ZNF527: variants seen among roughly 807,000 people sequenced by gnomAD.
ZNF527 encodes the protein zinc finger protein 527.
ZNF527 carries 5 observed loss-of-function variants against 13.5 expected under a neutral mutation model. That is an observed-to-expected ratio of 0.37 (90% CI 0.19 to 0.78). The LOEUF (loss-of-function observed/expected upper bound fraction) is 0.78, where lower values mean the gene tolerates loss of function less well. Among genes scored for constraint, ZNF527 ranks in the 30% least tolerant of loss-of-function variants. The probability of loss-of-function intolerance (pLI) is 0.48; values close to 1 mark genes in which losing one functional copy is unlikely to be tolerated. For synonymous variants in ZNF527, 209 were observed against 243.1 expected, an observed-to-expected ratio of 0.86 and a Z score of 1.30; for missense variants, 628 against 726.4, an observed-to-expected ratio of 0.86 and a Z score of 1.56.
intron 1 of ZNF527, among the ~76,000 whole-genome samples, chr19:37,372,470 T>TC (rs1555826570): frequency 7.7e-6 from 1 of 130,376 alleles, no homozygotes; most frequent in African/African-American, 3.0e-5. Context: ...TTCTTTTCTT[T>TC]TTTTTTTTTT....
Position 37,392,635 on chromosome 19 carries a change from C to G in ZNF527, c.*2756C>G, listed in dbSNP as rs1224206014. 1 of 152,146 alleles carries G rather than the reference C, an allele frequency of 6.6e-6. No homozygotes were observed. Among genetic ancestry groups the G allele is most frequent in the Non-Finnish European group, 1.5e-5 (1 of 68,046 alleles). The allele number at this position is 152,146 out of a possible 1,614,324, so 9.4% of individuals were successfully genotyped here. ...CAACTCTTGGCCTGAAGTGATTTGC[C>G]CATCTCGGCTTCCCAAAGTGCTGAG... On this transcript the variant is annotated 3_prime_UTR_variant, in exon 5 of 5. Transcript: ENST00000436120.
chr19:37,389,762 A>G lies in ZNF527; in HGVS notation c.1713A>G (p.Leu571=). ...TTCATCAGATCTTGTCCCTAAGACT[A>G]CACCAGAGAATTCACGCTGGAGAAA... is the stretch of plus-strand genomic sequence containing the variant. ...KAFHQILSLR[L]HQRIHAGEKP... The change falls in exon 5 of 5, where the codon CTA becomes CTG. Residue 571 remains leucine, a synonymous_variant. Coordinates refer to ENST00000436120, the MANE Select transcript of ZNF527 (RefSeq NM_032453.2). The G allele has an allele frequency of 1.2e-6, 2 of 1,613,864 alleles. No individual in the cohort carries two copies. The highest frequency in any genetic ancestry group is 1.7e-6 in the Non-Finnish European group (2 of 1,180,038).
rs754988884 is a variant in ZNF527 at position 37,379,258 on chromosome 19, T to TAAAA, written c.160+12_160+13insAAAA. 6.3e-7 allele frequency: 1 copy of TAAAA among 1,576,120 alleles called. No individual in the cohort carries two copies. Among genetic ancestry groups the TAAAA allele is most frequent in the Admixed American group, 2.0e-5 (1 of 50,650 alleles). ...CTTGGTATGGCTTGGTAAGGATGTT[T>TAAAA]CTCCCCCATAATTTAAAAATCTTCC... On this transcript the variant is annotated intron_variant, in intron 3 of 4. Transcript: ENST00000436120.
At chr19:37,375,303 T>C (rs1490778366) in intron 2 of ZNF527, among the ~76,000 whole-genome samples, 1 of 104,556 alleles carries the variant, frequency 9.6e-6, no homozygotes, top group Non-Finnish European at 1.8e-5. Context: ...TCTTTCTTTC[T>C]TTCTTTCTTT....
chr19:37,386,918 A>G (rs1241247061), intron 4 of ZNF527, among the ~76,000 whole-genome samples: 2 of 152,160 alleles, frequency 1.3e-5, no homozygotes, highest in African/African-American at 4.8e-5. Flanking sequence ...TTCTAGGGAA[A>G]GAATGAATGG....
Position 37,388,880 on chromosome 19 carries a change from T to G in ZNF527, c.831T>G (p.Asp277Glu). Reference protein sequence around the residue: ...THFGKLPHGYDECGDAFSCYS... With the variant: ...THFGKLPHGYEECGDAFSCYS... ...TTGGAAAATTACCCCATGGATACGA[T>G]GAATGTGGTGATGCCTTTAGCTGTT... is the stretch of plus-strand genomic sequence containing the variant. The change falls in exon 5 of 5, where the codon GAT becomes GAG. Residue 277 changes from aspartate (D) to glutamate (E), a missense_variant. Physicochemically the swap from Asp to Glu is conservative, Grantham distance 45. This residue lies in a region of ZNF527 where 592 missense variants were observed against 678.0 expected (regional missense o/e 0.87). Coordinates refer to ENST00000436120, the MANE Select transcript of ZNF527 (RefSeq NM_032453.2). The G allele has an allele frequency of 6.2e-7, 1 of 1,614,228 alleles. No homozygotes were observed. The highest frequency in any genetic ancestry group is 8.5e-7 in the Non-Finnish European group (1 of 1,180,052).
rs2040689598 is a variant in ZNF527, at chr19:37,385,359, G to A, written c.257-2947G>A. ...TGCTCCCCTTCACTGTGTTCTCTGT[G>A]TCTTGCAGGTTTTTAATGCTGTAAG... On this transcript the variant is annotated intron_variant, in intron 4 of 4. Coordinates refer to ENST00000436120, the MANE Select transcript of ZNF527 (RefSeq NM_032453.2). 1.0e-5 allele frequency: 4 copies of A among 399,408 alleles called. No individual in the cohort carries two copies. The East Asian group carries it at 1.4e-4, about 14-fold the overall frequency. 24.7% of individuals were successfully genotyped at this position (399,408 alleles called of 1,614,324 possible).
At position 37,388,480 on chromosome 19, in the gene ZNF527, A is replaced by G. The variant is rs759553510; in HGVS notation, c.431A>G (p.Glu144Gly). The G allele has an allele frequency of 5.0e-6, 8 of 1,614,166 alleles. No homozygotes were observed. Among genetic ancestry groups the G allele is most frequent in the Non-Finnish European group, 6.8e-6 (8 of 1,179,976 alleles). ...GEFELHQGNA[E>G]RHFMQVTAVK... ...TTTGAGCTACATCAGGGAAATGCGG[A>G]GAGGCATTTCATGCAAGTGACAGCT... Residue 144 changes from glutamate (E) to glycine (G), a missense_variant, in exon 5 of 5, where the codon GAG becomes GGG. By Grantham distance (98) the Glu-to-Gly change is moderately conservative. Coordinates refer to ENST00000436120, the MANE Select transcript of ZNF527 (RefSeq NM_032453.2).
At chr19:37,387,990 G>A (rs1203109533) in intron 4 of ZNF527, among the ~76,000 whole-genome samples, 2 of 152,168 alleles carry the variant, frequency 1.3e-5, no homozygotes, top group Non-Finnish European at 2.9e-5. Flanking sequence ...AACTGGCTGT[G>A]ATCTAATCAG....
chr19:37,373,518 C>A (rs2040575701), intron 1 of ZNF527, among the ~76,000 whole-genome samples: 1 of 152,084 alleles, frequency 6.6e-6, no homozygotes, highest in African/African-American at 2.4e-5. Flanking sequence ...CCAAACAAAA[C>A]CTAGTTCTCT....
chr19:37,377,794 G>A lies in ZNF527; in HGVS notation c.34-1326G>A, dbSNP rs1600264664. ...GACTCCCACCCAGGGAGGGAGCCAG[G>A]GGAATAAGTATTCTGCCTTACTTAC... is the stretch of plus-strand genomic sequence containing the variant. On this transcript the variant is annotated intron_variant, in intron 2 of 4. Transcript: ENST00000436120. Among the ~76,000 whole-genome samples, 3 of 151,972 alleles carry A rather than the reference G, an allele frequency of 2.0e-5. No individual in the cohort carries two copies. The South Asian group carries it at 6.2e-4, about 32-fold the overall frequency.
chr19:37,385,269 T>C, intron 4 of ZNF527: 1 of 440,172 alleles, frequency 2.3e-6, no homozygotes, highest in East Asian at 3.3e-5. Context: ...CACACAAGTT[T>C]TCAAGGTTAA....
chr19:37,383,134 C>G (rs1024425849), intron 4 of ZNF527, among the ~76,000 whole-genome samples: 4 of 152,202 alleles, frequency 2.6e-5, no homozygotes, highest in Non-Finnish European at 5.9e-5. Flanking sequence ...TATTGTAGCT[C>G]TGGAGGTCAG....
At chr19:37,373,027 A>G (rs916097739) in intron 1 of ZNF527, among the ~76,000 whole-genome samples, 5 of 152,174 alleles carry the variant, frequency 3.3e-5, no homozygotes, top group African/African-American at 1.2e-4. Flanking sequence ...ACTGGTTTTG[A>G]GGTCACATTT....
chr19:37,372,467 CT>C (rs1022024971), intron 1 of ZNF527, among the ~76,000 whole-genome samples: 255 of 65,634 alleles, frequency 3.9e-3, no homozygotes, highest in African/African-American at 0.011. Flanking sequence ...CTTTTCTTTT[CT>C]TTTTTTTTTT....
intron 2 of ZNF527, among the ~76,000 whole-genome samples, chr19:37,378,720 A>T (rs1460096619): frequency 6.6e-6 from 1 of 152,112 alleles, no homozygotes; most frequent in African/African-American, 2.4e-5. Flanking sequence ...ATAAAGTCTA[A>T]CTTTCAGGCC....
Position 37,389,509 on chromosome 19 carries a change from G to A in ZNF527, c.1460G>A (p.Arg487Gln), listed in dbSNP as rs552726462. ...TTTAGGACTGACTCACAACTTAATC[G>A]ACATCATAGAATTCACACTGGAGAG... ...KFFRTDSQLN[R>Q]HHRIHTGERP... The change falls in exon 5 of 5, where the codon CGA (arginine) becomes CAA (glutamine). Residue 487 changes from arginine (R) to glutamine (Q), a missense_variant. This residue lies in a region of ZNF527 where 592 missense variants were observed against 678.0 expected (regional missense o/e 0.87). Coordinates refer to ENST00000436120, the MANE Select transcript of ZNF527 (RefSeq NM_032453.2). 5.0e-6 allele frequency: 8 copies of A among 1,613,624 alleles called. No homozygotes were observed. The Admixed American group carries it at 6.7e-5, about 13-fold the overall frequency.
chr19:37,372,467 C>CTTTTTTTTTTTTTTTTTTTTT (rs1022024971), intron 1 of ZNF527, among the ~76,000 whole-genome samples: 16 of 65,648 alleles, frequency 2.4e-4, no homozygotes, highest in Non-Finnish European at 3.1e-4. Flanking sequence ...CTTTTCTTTT[C>CTTTTTTTTTTTTTTTTTTTTT]TTTTTTTTTT....
At chr19:37,380,974 T>TA (rs1176413515) in intron 4 of ZNF527, among the ~76,000 whole-genome samples, 1 of 152,140 alleles carries the variant, frequency 6.6e-6, no homozygotes, top group African/African-American at 2.4e-5. Context: ...TATAAGAAAA[T>TA]AAGGAGTTAG....
Sources: allele counts gnomAD v4.1 joint callset (sites outside exome capture counted in the v4.1 genomes callset), GRCh38; gene constraint gnomAD v4.1.1; regional missense constraint gnomAD v4.1.1; transcripts MANE v1.5; gene names NCBI Gene and HGNC (gene_info 2026-07-23, HGNC 2026-07-21).